Variants in CSTA observed in about 807,000 individuals in gnomAD.
CSTA encodes cystatin-A.
In CSTA, 9 loss-of-function variants were observed where a neutral mutation model predicts 9.2. The ratio of observed to expected loss-of-function variants is 0.97; its 90% CI spans 0.59 to 1.70. The LOEUF is 1.70. Ranked by LOEUF, CSTA falls within the 40% of genes most tolerant of loss-of-function variation. The pLI, the probability that CSTA is intolerant of heterozygous loss-of-function variation, is 0.00. For synonymous variants in CSTA, 36 were observed against 40.6 expected (o/e 0.89, Z 0.43); for missense variants, 118 against 113.1 (o/e 1.04, Z -0.20).
At chr3:122,333,684 AAGAAAG>A (rs932417431) in intron 1 of CSTA, among the ~76,000 whole-genome samples, 7 of 117,436 alleles carry the variant, frequency 6.0e-5, no homozygotes, top group Non-Finnish European at 1.0e-4. Context: ...AGAAAGAAGA[AAGAAAG>A]AGAGAGAGAA....
At chr3:122,333,587 GA>G (rs2075218475) in intron 1 of CSTA, among the ~76,000 whole-genome samples, 6 of 119,024 alleles carry the variant, frequency 5.0e-5, no homozygotes, top group African/African-American at 1.7e-4. Context: ...AAGAAAGAAA[GA>G]AAGAAGAAAG....
chr3:122,334,505 AC>A (rs1158278041), intron 1 of CSTA, among the ~76,000 whole-genome samples: 2 of 152,136 alleles, frequency 1.3e-5, no homozygotes, highest in East Asian at 3.9e-4. Flanking sequence ...AACAAAAAAA[AC>A]CTGCCCACTG....
At chr3:122,326,728 A>G (rs1280704322) in intron 1 of CSTA, among the ~76,000 whole-genome samples, 4 of 152,244 alleles carry the variant, frequency 2.6e-5, no homozygotes, top group African/African-American at 9.7e-5. Context: ...GTGAATCCCC[A>G]GATCAGATCA....
intron 2 of CSTA, among the ~76,000 whole-genome samples, chr3:122,339,568 A>G (rs898883067): frequency 5.3e-5 from 8 of 152,174 alleles, no homozygotes; most frequent in African/African-American, 9.7e-5. Context: ...ACAAGGTTAC[A>G]CTGGCCTGGT....
At chr3:122,341,389 C>T in intron 2 of CSTA, 50 bp from the exon 3 acceptor site, 2 of 1,602,014 alleles carry the variant, frequency 1.2e-6, no homozygotes, top group Non-Finnish European at 8.5e-7. Flanking sequence ...TTGATGTAGA[C>T]CCATTTGAAT....
intron 1 of CSTA, among the ~76,000 whole-genome samples, chr3:122,326,176 G>C (rs930502763): frequency 6.6e-6 from 1 of 152,048 alleles, no homozygotes; most frequent in South Asian, 2.1e-4. Context: ...ATGCCACCAC[G>C]CCTGGCTGAT....
At chr3:122,326,949 C>T (rs1446340499) in intron 1 of CSTA, among the ~76,000 whole-genome samples, 1 of 152,136 alleles carries the variant, frequency 6.6e-6, no homozygotes, top group African/African-American at 2.4e-5. Context: ...CTTTAAAAGT[C>T]AGGGTGCAGG....
chr3:122,337,025 G>C (rs533411791), intron 1 of CSTA, among the ~76,000 whole-genome samples: 9 of 152,150 alleles, frequency 5.9e-5, no homozygotes, highest in Non-Finnish European at 1.0e-4. Context: ...GCAGAAAAGA[G>C]ACATTTTCAG....
intron 1 of CSTA, among the ~76,000 whole-genome samples, chr3:122,326,684 C>T (rs776223524): frequency 4.6e-5 from 7 of 151,992 alleles, no homozygotes; most frequent in Non-Finnish European, 1.0e-4. Context: ...AGCTTTTTTC[C>T]TGGGAGATGA....
At chr3:122,325,860 T>G (rs986755376) in intron 1 of CSTA, among the ~76,000 whole-genome samples, 1 of 152,206 alleles carries the variant, frequency 6.6e-6, no homozygotes, top group Non-Finnish European at 1.5e-5. Context: ...TAGATAGTGT[T>G]TTAGTCTTTT....
chr3:122,325,303 G>T lies in CSTA; in HGVS notation c.11G>T (p.Gly4Val). ...AAGCAATCAGCCAAAATGATACCTG[G>T]AGGCTTATCTGAGGCCAAACCCGCC... is the stretch of plus-strand genomic sequence containing the variant. MIP[G>V]GLSEAKPATP... The change falls in exon 1 of 3, where the codon GGA becomes GTA. Residue 4 changes from glycine (G) to valine (V), a missense_variant. Coordinates refer to ENST00000264474, the MANE Select transcript of CSTA (RefSeq NM_005213.4). The T allele has an allele frequency of 6.2e-7, 1 of 1,613,816 alleles. No individual in the cohort carries two copies. Among genetic ancestry groups the T allele is most frequent in the East Asian group, 2.2e-5 (1 of 44,880 alleles).
At chr3:122,328,327 C>T (rs1368606366) in intron 1 of CSTA, among the ~76,000 whole-genome samples, 4 of 149,502 alleles carry the variant, frequency 2.7e-5, no homozygotes, top group Non-Finnish European at 6.0e-5. Flanking sequence ...ATGGTGAAAC[C>T]CTGTCTCTAC....
At chr3:122,331,889 G>A (rs1045251868) in intron 1 of CSTA, among the ~76,000 whole-genome samples, 29 of 152,158 alleles carry the variant, frequency 1.9e-4, no homozygotes, top group African/African-American at 6.8e-4. Flanking sequence ...TTTTTCCACA[G>A]ATGGGGTGGA....
intron 2 of CSTA, among the ~76,000 whole-genome samples, chr3:122,340,136 C>T (rs962246364): frequency 6.6e-6 from 1 of 152,128 alleles, no homozygotes; most frequent in Non-Finnish European, 1.5e-5. Flanking sequence ...TAGGAAGTGA[C>T]ATCAGAAGCA....
intron 1 of CSTA, 126 bp from the exon 2 acceptor site, chr3:122,337,421 A>C (rs1004248818): frequency 2.9e-6 from 2 of 678,344 alleles, no homozygotes; most frequent in African/African-American, 3.6e-5. Context: ...AAATAATAAA[A>C]ATAGTTCATA....
intron 1 of CSTA, among the ~76,000 whole-genome samples, chr3:122,332,991 A>C (rs908222124): frequency 3.3e-5 from 5 of 152,188 alleles, no homozygotes; most frequent in African/African-American, 1.2e-4. Flanking sequence ...ATGTCATCTA[A>C]CATTAAACCA....
chr3:122,333,540 GAAGAAAGAAAGAAAGAAAGA>G (rs71136564), intron 1 of CSTA, among the ~76,000 whole-genome samples: 3,396 of 112,148 alleles, frequency 0.03, 178 homozygotes, highest in African/African-American at 0.1. Flanking sequence ...AGAAAAGAAA[GAAGAAAGAAAGAAAGAAAGA>G]AAGAAAGAAA....
At chr3:122,340,300 CT>C (rs926344959) in intron 2 of CSTA, among the ~76,000 whole-genome samples, 8 of 149,462 alleles carry the variant, frequency 5.4e-5, no homozygotes, top group African/African-American at 1.5e-4. Flanking sequence ...AACCCCTTAG[CT>C]TTTTTTTTTC....
chr3:122,325,790 G>A (rs2075167742), intron 1 of CSTA, among the ~76,000 whole-genome samples: 2 of 152,240 alleles, frequency 1.3e-5, no homozygotes, highest in South Asian at 2.1e-4. Flanking sequence ...TAAATAGATT[G>A]AATGAAGAAT....
Sources: allele counts gnomAD v4.1 joint callset (sites outside exome capture counted in the v4.1 genomes callset), GRCh38; gene constraint gnomAD v4.1.1; transcripts MANE v1.5; gene names NCBI Gene and HGNC (gene_info 2026-07-23, HGNC 2026-07-21).